Variants in DNAH11 observed in about 807,000 individuals in gnomAD.
DNAH11 encodes axonemal beta dynein heavy chain 11.
In DNAH11, 442 loss-of-function variants were observed where a neutral mutation model predicts 526.0. The ratio of observed to expected loss-of-function variants is 0.84; its 90% CI spans 0.78 to 0.91. The LOEUF (loss-of-function observed/expected upper bound fraction) is 0.91, where lower values mean the gene tolerates loss of function less well. DNAH11 is among the 40% of genes least tolerant of loss of function. The probability of loss-of-function intolerance (pLI) is 0.00; values close to 1 mark genes in which losing one functional copy is unlikely to be tolerated. For synonymous variants in DNAH11, 2,461 were observed against 1,935.9 expected, an observed-to-expected ratio of 1.27 and a Z score of -7.12; for missense variants, 6,989 against 5,448.7, an observed-to-expected ratio of 1.28 and a Z score of -8.90.
chr7:21,890,199 C>T (rs953947233), intron 76 of DNAH11, among the ~76,000 whole-genome samples: 1 of 152,130 alleles, frequency 6.6e-6, no homozygotes, highest in Admixed American at 6.5e-5. Context: ...TTCTTAAGGC[C>T]ACCAACCCAT....
intron 8 of DNAH11, among the ~76,000 whole-genome samples, chr7:21,576,459 G>A (rs1784097140): frequency 6.6e-6 from 1 of 152,182 alleles, no homozygotes; most frequent in Admixed American, 6.5e-5. Flanking sequence ...ACTGACTCAA[G>A]ACTCTCTTGA....
intron 28 of DNAH11, among the ~76,000 whole-genome samples, chr7:21,654,297 T>C (rs145959866): frequency 5.1e-4 from 77 of 152,298 alleles, no homozygotes; most frequent in Non-Finnish European, 9.1e-4. Flanking sequence ...TGGATTTATC[T>C]CTTGTGGATA....
chr7:21,809,764 C>T (rs970194893), intron 63 of DNAH11, among the ~76,000 whole-genome samples: 2 of 151,766 alleles, frequency 1.3e-5, no homozygotes, highest in African/African-American at 2.4e-5. Flanking sequence ...TAGGGTTTTA[C>T]CATGTTGCCC....
chr7:21,889,119 A>G (rs954834593), intron 76 of DNAH11, among the ~76,000 whole-genome samples: 1 of 151,954 alleles, frequency 6.6e-6, no homozygotes, highest in Non-Finnish European at 1.5e-5. Context: ...CTGTCTCTAT[A>G]GATTTGCATG....
intron 32 of DNAH11, among the ~76,000 whole-genome samples, chr7:21,684,456 A>G (rs900372802): frequency 1.3e-5 from 2 of 152,234 alleles, no homozygotes; most frequent in African/African-American, 2.4e-5. Flanking sequence ...AAGAGAAACA[A>G]TAAAAAAGTA....
intron 68 of DNAH11, among the ~76,000 whole-genome samples, chr7:21,858,215 A>G (rs141778362): frequency 4.0e-3 from 611 of 152,304 alleles, no homozygotes; most frequent in South Asian, 8.5e-3. Flanking sequence ...CTAAAGTTTC[A>G]GAAGACTCTT....
chr7:21,775,428 A>G (rs570128481), intron 56 of DNAH11, among the ~76,000 whole-genome samples: 3 of 152,086 alleles, frequency 2.0e-5, no homozygotes, highest in East Asian at 1.9e-4. Context: ...ACCAGCCTGG[A>G]CAACAAAATG....
intron 68 of DNAH11, among the ~76,000 whole-genome samples, chr7:21,857,286 A>G (rs2128027519): frequency 6.6e-6 from 1 of 152,286 alleles, no homozygotes; most frequent in South Asian, 2.1e-4. Context: ...TGTATTCTAA[A>G]AACTCCAAAA....
chr7:21,707,653 C>T (rs768381093), intron 39 of DNAH11, 46 bp from the exon 40 acceptor site: 2 of 1,590,096 alleles, frequency 1.3e-6, no homozygotes, highest in East Asian at 2.2e-5. Context: ...TTCCATTTGG[C>T]TTATGTTAGT....
chr7:21,665,800 T>A (rs1205714216), intron 30 of DNAH11, among the ~76,000 whole-genome samples: 1 of 152,120 alleles, frequency 6.6e-6, no homozygotes, highest in Admixed American at 6.6e-5. Context: ...GACAAGCAGA[T>A]GCTTTTACTA....
rs780579730 is a variant in DNAH11, at chr7:21,900,079, C to A, written c.13262C>A (p.Pro4421Gln). The part of the protein sequence containing the change: ...TKKTKEDYGH[P>Q]PREGAYLHGL... ...AAAACAAAGGAAGATTATGGACACC[C>A]GCCAAGGGAAGGTGCATACCTCCAC... is the stretch of plus-strand genomic sequence containing the variant. Residue 4421 changes from proline (P) to glutamine (Q), a missense_variant, in exon 81 of 82, where the codon CCG becomes CAG. By Grantham distance (76) the Pro-to-Gln change is moderately conservative (BLOSUM62 -1). Coordinates refer to ENST00000409508, the MANE Select transcript of DNAH11 (RefSeq NM_001277115.2). 1 of 1,613,944 alleles carries A rather than the reference C, an allele frequency of 6.2e-7. No individual in the cohort carries two copies. The highest frequency in any genetic ancestry group is 8.5e-7 in the Non-Finnish European group (1 of 1,179,866).
rs979313450 is a variant in DNAH11, at chr7:21,579,478, G to A, written c.1594-2427G>A. On this transcript the variant is annotated intron_variant, in intron 8 of 81. Coordinates refer to ENST00000409508, the MANE Select transcript of DNAH11 (RefSeq NM_001277115.2). ...AGTGCTCTGAGAACATTTACATAGG[G>A]CCCCTTTCCAGAGGAGGTGAAATGT... 5.3e-5 allele frequency among the ~76,000 whole-genome samples: 8 copies of A among 152,258 alleles called. No individual in the cohort carries two copies. In the South Asian group the frequency reaches 6.2e-4, roughly 12 times the overall value.
chr7:21,801,088 C>G, intron 61 of DNAH11, 49 bp from the exon 62 acceptor site: 1 of 1,552,968 alleles, frequency 6.4e-7, no homozygotes, highest in Middle Eastern at 1.7e-4. Context: ...ATGGTAATCT[C>G]TCTGTTTTAA....
intron 2 of DNAH11, among the ~76,000 whole-genome samples, chr7:21,551,091 G>C (rs113042022): frequency 0.017 from 2,551 of 152,206 alleles, 72 homozygotes; most frequent in African/African-American, 0.058. Flanking sequence ...GACTCCCTTT[G>C]TATAATATAG....
chr7:21,753,306 C>A (rs1210704578), intron 54 of DNAH11, among the ~76,000 whole-genome samples: 1 of 152,178 alleles, frequency 6.6e-6, no homozygotes, highest in African/African-American at 2.4e-5. Flanking sequence ...TCATGTCTTA[C>A]TGGCCGCAAA....
intron 27 of DNAH11, among the ~76,000 whole-genome samples, chr7:21,638,531 G>A (rs1206847156): frequency 6.6e-6 from 1 of 152,094 alleles, no homozygotes; most frequent in Admixed American, 6.5e-5. Context: ...TCCAGTGGGG[G>A]AAAAGAAGGC....
At chr7:21,810,314 G>C (rs1299965339) in intron 63 of DNAH11, among the ~76,000 whole-genome samples, 2 of 152,016 alleles carry the variant, frequency 1.3e-5, no homozygotes, top group Non-Finnish European at 2.9e-5. Flanking sequence ...TGATTTCCAG[G>C]ACTCTATTTT....
intron 66 of DNAH11, among the ~76,000 whole-genome samples, chr7:21,846,660 AGTT>A (rs936645878): frequency 6.6e-6 from 1 of 152,034 alleles, no homozygotes; most frequent in Non-Finnish European, 1.5e-5. Context: ...ATCGGTCCGT[AGTT>A]GTTTTGTTTT....
chr7:21,710,595 A>G lies in DNAH11; in HGVS notation c.6726A>G (p.Leu2242=), dbSNP rs78152348. The G allele has an allele frequency of 6.7e-4, 1,077 of 1,612,926 alleles. 3 individuals carry two copies. The African/African-American group carries it at 0.013, about 20-fold the overall frequency. The change falls in exon 41 of 82, where the codon CTA becomes CTG. Residue 2242 remains leucine (L), a synonymous_variant. Coordinates refer to ENST00000409508, the MANE Select transcript of DNAH11 (RefSeq NM_001277115.2). ...TTATAGGTCTCTTCTCATCCATTCT[A>G]CGAGAACAAGCAAATCTTAAGCATG... ...SYFIGLFSSI[L]REQANLKHDG...
Sources: gnomAD v4.1 joint callset for allele counts (sites outside exome capture counted in the v4.1 genomes callset) on GRCh38, gnomAD v4.1.1 for gene constraint, MANE v1.5 for transcripts, NCBI Gene and HGNC (gene_info 2026-07-23, HGNC 2026-07-21) for gene names.